FNDC3B: variants seen among roughly 807,000 people sequenced by gnomAD.
The protein encoded by FNDC3B is fibronectin type III domain containing 3B.
FNDC3B carries 12 observed loss-of-function variants against 151.5 expected under a neutral mutation model. That is an observed-to-expected ratio of 0.08 (90% confidence interval 0.05 to 0.13). FNDC3B has a LOEUF of 0.13. Ranked by LOEUF, FNDC3B falls within the 10% of genes least tolerant of loss-of-function variation. The probability of loss-of-function intolerance (pLI) is 1.00; values close to 1 mark genes in which losing one functional copy is unlikely to be tolerated. For synonymous variants in FNDC3B, 528 were observed against 549.0 expected (o/e 0.96, Z 0.54); for missense variants, 1,214 against 1,505.3 (o/e 0.81, Z 3.20).
chr3:172,211,594 C>T (rs1725733784), intron 3 of FNDC3B, among the ~76,000 whole-genome samples: 1 of 152,142 alleles, frequency 6.6e-6, no homozygotes, highest in African/African-American at 2.4e-5. Context: ...TGATTTTTGC[C>T]TGTAGAAGAG....
intron 3 of FNDC3B, among the ~76,000 whole-genome samples, chr3:172,198,880 C>T (rs1013744997): frequency 6.6e-6 from 1 of 152,190 alleles, no homozygotes; most frequent in Non-Finnish European, 1.5e-5. Flanking sequence ...GGCTGGAGTG[C>T]AGTGGTGTGA....
intron 3 of FNDC3B, among the ~76,000 whole-genome samples, chr3:172,210,913 T>C (rs1441781689): frequency 6.6e-6 from 1 of 152,190 alleles, no homozygotes; most frequent in East Asian, 1.9e-4. Flanking sequence ...AAATCATTAT[T>C]TTTATACACA....
intron 11 of FNDC3B, among the ~76,000 whole-genome samples, chr3:172,318,884 G>A (rs1369474992): frequency 2.6e-5 from 4 of 152,148 alleles, no homozygotes; most frequent in Non-Finnish European, 5.9e-5. Context: ...CAAGAGAATT[G>A]CTGCCCCACT....
intron 3 of FNDC3B, among the ~76,000 whole-genome samples, chr3:172,220,104 A>T (rs1726201963): frequency 6.6e-6 from 1 of 152,164 alleles, no homozygotes; most frequent in African/African-American, 2.4e-5. Flanking sequence ...GTTTCTGTTT[A>T]CTTCCTACCA....
chr3:172,377,220 G>A (rs1421161880), intron 23 of FNDC3B, among the ~76,000 whole-genome samples: 1 of 152,202 alleles, frequency 6.6e-6, no homozygotes, highest in East Asian at 1.9e-4. Context: ...CTCAGATGCT[G>A]TGACGAAGCC....
At chr3:172,321,710 ATTGTATTT>A (rs1284940452) in intron 11 of FNDC3B, 1 of 199,038 alleles carries the variant, frequency 5.0e-6, no homozygotes, top group African/African-American at 2.4e-5. Flanking sequence ...CCGGCTAATT[ATTGTATTT>A]TTGTATTTTT....
chr3:172,053,492 C>A (rs975828439), intron 1 of FNDC3B, among the ~76,000 whole-genome samples: 1 of 152,184 alleles, frequency 6.6e-6, no homozygotes, highest in African/African-American at 2.4e-5. Flanking sequence ...AAAATCTAGG[C>A]TGGGCACAGT....
chr3:172,253,961 G>A (rs2108779312), intron 6 of FNDC3B, among the ~76,000 whole-genome samples: 1 of 152,204 alleles, frequency 6.6e-6, no homozygotes, highest in South Asian at 2.1e-4. Context: ...TGTATTTTTG[G>A]TAGAGATGGG....
intron 23 of FNDC3B, among the ~76,000 whole-genome samples, chr3:172,369,422 A>C (rs1229266203): frequency 6.6e-6 from 1 of 152,182 alleles, no homozygotes; most frequent in African/African-American, 2.4e-5. Flanking sequence ...AAATATAAAT[A>C]AATCTCCATT....
Position 172,179,391 on chromosome 3 carries a change from TAAATGTA to T in FNDC3B, c.187+45846_187+45852del, listed in dbSNP as rs201246790. Among the ~76,000 whole-genome samples the T allele has an allele frequency of 1.5e-3, 233 of 152,270 alleles. 1 individual carries two copies. The highest frequency in any genetic ancestry group is 5.3e-3 in the African/African-American group (221 of 41,556). ...CTGTTTATAACTATTATGCTCAAGGTAAATGTAGAATGTAGAAATTAAGGTGAATAAA... is the reference window on the plus strand; with the variant it reads ...CTGTTTATAACTATTATGCTCAAGGTGAATGTAGAAATTAAGGTGAATAAA... On this transcript the variant is annotated intron_variant, in intron 3 of 25. Transcript: ENST00000415807.
chr3:172,328,248 A>G (rs902400118), intron 11 of FNDC3B, among the ~76,000 whole-genome samples: 1 of 152,242 alleles, frequency 6.6e-6, no homozygotes, highest in Non-Finnish European at 1.5e-5. Context: ...AATTCAACCA[A>G]TGTTCCAAGT....
At chr3:172,359,017 G>A (rs11709381) in intron 22 of FNDC3B, among the ~76,000 whole-genome samples, 7,317 of 131,244 alleles carry the variant, frequency 0.056, 250 homozygotes, top group Admixed American at 0.086. Context: ...GGTGGTGGTG[G>A]TGATGGTGGC....
At chr3:172,087,510 A>T (rs1289498773) in intron 1 of FNDC3B, among the ~76,000 whole-genome samples, 1 of 152,178 alleles carries the variant, frequency 6.6e-6, no homozygotes, top group Non-Finnish European at 1.5e-5. Context: ...GGTGGAAAAT[A>T]TGCTTAGAAA....
intron 3 of FNDC3B, among the ~76,000 whole-genome samples, chr3:172,193,947 G>A (rs145607624): frequency 1.1e-4 from 16 of 152,306 alleles, no homozygotes; most frequent in African/African-American, 3.1e-4. Flanking sequence ...GTGGTCGGGC[G>A]TGGTGGCTCA....
intron 23 of FNDC3B, among the ~76,000 whole-genome samples, chr3:172,374,810 G>T (rs528214017): frequency 1.3e-5 from 2 of 152,160 alleles, no homozygotes; most frequent in South Asian, 2.1e-4. Flanking sequence ...CTACTTGCTG[G>T]TGTTTCATAG....
chr3:172,043,615 G>A (rs1297682524), intron 1 of FNDC3B, among the ~76,000 whole-genome samples: 1 of 152,016 alleles, frequency 6.6e-6, no homozygotes, highest in East Asian at 1.9e-4. Flanking sequence ...TTTCTTCTAC[G>A]ATATCAGAAG....
At chr3:172,265,236 G>A (rs1045443483) in intron 6 of FNDC3B, among the ~76,000 whole-genome samples, 1 of 152,076 alleles carries the variant, frequency 6.6e-6, no homozygotes, top group Non-Finnish European at 1.5e-5. Context: ...TAATTAATAG[G>A]TATCTATACA....
chr3:172,277,146 G>GTA lies in FNDC3B; in HGVS notation c.791-8773_791-8772dup, dbSNP rs1425111780. Among the ~76,000 whole-genome samples the GTA allele has an allele frequency of 6.6e-5, 10 of 152,202 alleles. No individual in the cohort carries two copies. The South Asian group carries it at 1.2e-3, about 19-fold the overall frequency. On this transcript the variant is annotated intron_variant, in intron 6 of 25. Transcript: ENST00000415807. ...TGGTTGTGAAAAAACGTGTGTGTGT[G>GTA]TATATATAAGTAGAGATCAAATGTG...
At chr3:172,273,987 C>CA (rs1729322999) in intron 6 of FNDC3B, among the ~76,000 whole-genome samples, 1 of 152,094 alleles carries the variant, frequency 6.6e-6, no homozygotes, top group Admixed American at 6.5e-5. Context: ...CAGTCAGCAG[C>CA]AAAAAATACT....
Sources: gnomAD v4.1 joint callset for allele counts (sites outside exome capture counted in the v4.1 genomes callset) on GRCh38, gnomAD v4.1.1 for gene constraint, MANE v1.5 for transcripts, NCBI Gene and HGNC (gene_info 2026-07-23, HGNC 2026-07-21) for gene names.